R3HCC1L: variants seen among roughly 807,000 people sequenced by gnomAD.
The protein encoded by R3HCC1L is coiled-coil domain-containing protein R3HCC1L.
R3HCC1L carries 51 observed loss-of-function variants against 59.9 expected under a neutral mutation model. That is an observed-to-expected ratio of 0.85 (90% CI 0.68 to 1.07). R3HCC1L has a LOEUF of 1.07. Ranked by LOEUF, R3HCC1L falls within the 50% of genes least tolerant of loss-of-function variation. The pLI, the probability that R3HCC1L is intolerant of heterozygous loss-of-function variation, is 0.00. For synonymous variants in R3HCC1L, 322 were observed against 315.2 expected, an observed-to-expected ratio of 1.02 and a Z score of -0.23; for missense variants, 965 against 933.0, an observed-to-expected ratio of 1.03 and a Z score of -0.45.
chr10:98,178,834 G>A (rs1849322096), intron 4 of R3HCC1L, among the ~76,000 whole-genome samples: 1 of 152,176 alleles, frequency 6.6e-6, no homozygotes, highest in African/African-American at 2.4e-5. Context: ...AATTGTGAAT[G>A]GGAGTTCACT....
At chr10:98,243,979 AC>A in intron 9 of R3HCC1L, 111 bp from the exon 10 acceptor site, 1 of 839,742 alleles carries the variant, frequency 1.2e-6, no homozygotes, top group Non-Finnish European at 2.0e-6. Flanking sequence ...GGTAAGAGAG[AC>A]CAGGATATCC....
intron 5 of R3HCC1L, among the ~76,000 whole-genome samples, chr10:98,219,852 C>G (rs553727879): frequency 6.6e-6 from 1 of 152,196 alleles, no homozygotes; most frequent in East Asian, 1.9e-4. Context: ...ACTAGTGTGC[C>G]TTGGAGAAGA....
chr10:98,159,161 T>G (rs1275448771), intron 2 of R3HCC1L, among the ~76,000 whole-genome samples: 2 of 152,174 alleles, frequency 1.3e-5, no homozygotes, highest in Non-Finnish European at 2.9e-5. Flanking sequence ...ACATGTGCAG[T>G]TTGGGTTCAT....
At position 98,226,738 on chromosome 10, in the gene R3HCC1L, C is replaced by G. The variant is rs377379236; in HGVS notation, c.1786-4774C>G. Among the ~76,000 whole-genome samples the G allele has an allele frequency of 3.9e-4, 59 of 152,352 alleles. 1 individual carries two copies. The East Asian group carries it at 4.4e-3, about 11-fold the overall frequency. ...TTGACTTGCAAGTTATTGCAGACTC[C>G]TTTTGTCCCTGGCCTCTGAGTTATT... On this transcript the variant is annotated intron_variant, in intron 5 of 9. Transcript: ENST00000298999.
intron 4 of R3HCC1L, among the ~76,000 whole-genome samples, chr10:98,189,262 A>G (rs1850573562): frequency 6.6e-6 from 1 of 152,164 alleles, no homozygotes; most frequent in Non-Finnish European, 1.5e-5. Flanking sequence ...AAAAATAGTG[A>G]TCTGGAGGTT....
At chr10:98,153,609 T>TA (rs1160637755) in intron 1 of R3HCC1L, among the ~76,000 whole-genome samples, 1,417 of 80,972 alleles carry the variant, frequency 0.017, 25 homozygotes, top group African/African-American at 0.046. Context: ...AATGATCAAT[T>TA]AAAAAAAAAA....
At chr10:98,160,963 A>T (rs2134171537) in intron 2 of R3HCC1L, among the ~76,000 whole-genome samples, 1 of 152,326 alleles carries the variant, frequency 6.6e-6, no homozygotes, top group East Asian at 1.9e-4. Flanking sequence ...TGTTTCTAAT[A>T]TTTTGAATTT....
chr10:98,210,358 T>G (rs897126974), intron 5 of R3HCC1L, among the ~76,000 whole-genome samples: 1 of 152,166 alleles, frequency 6.6e-6, no homozygotes, highest in African/African-American at 2.4e-5. Context: ...AGTATCATTG[T>G]TTTTTAAGGA....
At chr10:98,175,236 AG>A (rs1848893078) in intron 4 of R3HCC1L, among the ~76,000 whole-genome samples, 1 of 152,200 alleles carries the variant, frequency 6.6e-6, no homozygotes, top group Non-Finnish European at 1.5e-5. Flanking sequence ...CATATTTTAA[AG>A]CCAAGAATCA....
chr10:98,202,120 A>G (rs1852117798), intron 4 of R3HCC1L, among the ~76,000 whole-genome samples: 1 of 152,162 alleles, frequency 6.6e-6, no homozygotes, highest in African/African-American at 2.4e-5. Flanking sequence ...GCTAAGATAA[A>G]TGATTTACTT....
At chr10:98,214,659 A>C (rs1026974738) in intron 5 of R3HCC1L, among the ~76,000 whole-genome samples, 2 of 152,252 alleles carry the variant, frequency 1.3e-5, no homozygotes, top group African/African-American at 4.8e-5. Context: ...GTGGTTTGTT[A>C]TGTTTAATTG....
chr10:98,230,318 A>G (rs1856220433), intron 5 of R3HCC1L, among the ~76,000 whole-genome samples: 2 of 152,122 alleles, frequency 1.3e-5, no homozygotes, highest in African/African-American at 2.4e-5. Flanking sequence ...GGGAGAGTGT[A>G]TGTGTCGAGG....
chr10:98,204,088 C>T (rs539491472), intron 4 of R3HCC1L, among the ~76,000 whole-genome samples: 3 of 152,030 alleles, frequency 2.0e-5, no homozygotes, highest in East Asian at 1.9e-4. Flanking sequence ...TAGAACATTG[C>T]GAAAAAGTTA....
At chr10:98,150,236 T>A (rs1438819160) in intron 1 of R3HCC1L, among the ~76,000 whole-genome samples, 6 of 152,248 alleles carry the variant, frequency 3.9e-5, no homozygotes, top group Admixed American at 3.9e-4. Context: ...TCACTTAAAA[T>A]GGCTATTTTT....
intron 4 of R3HCC1L, among the ~76,000 whole-genome samples, chr10:98,178,010 G>C (rs1177622329): frequency 1.3e-5 from 2 of 152,134 alleles, no homozygotes; most frequent in Admixed American, 6.5e-5. Context: ...TAGGTTGCCT[G>C]TTCACTCTGA....
intron 4 of R3HCC1L, chr10:98,174,452 TAAAAGCAGCATATGAAAG>T (rs1174836342): frequency 1.6e-6 from 1 of 631,366 alleles, no homozygotes; most frequent in African/African-American, 2.0e-5. Context: ...TTCCCAGGGA[TAAAAGCAGCATATGAAAG>T]ATACTATCTG....
rs117436071 is a variant in R3HCC1L, at chr10:98,167,702, A to G, written c.-15+4305A>G. On this transcript the variant is annotated intron_variant, in intron 4 of 9. Coordinates refer to ENST00000298999, the MANE Select transcript of R3HCC1L (RefSeq NM_001351015.2). The stretch of plus-strand genomic sequence containing the variant: ...TTAGATGCAGGGACTTTGAAATCCA[A>G]TCCACGGACTTTGAAATCCTATCCA... Among the ~76,000 whole-genome samples, 1,133 of 152,320 alleles carry G rather than the reference A, an allele frequency of 7.4e-3. 10 individuals carry two copies. The highest frequency in any genetic ancestry group is 0.012 in the Non-Finnish European group (850 of 68,036).
Position 98,236,034 on chromosome 10 carries a change from G to T in R3HCC1L, c.2139G>T (p.Gln713His). 6.2e-7 allele frequency: 1 copy of T among 1,613,472 alleles called. No individual in the cohort carries two copies. The highest frequency in any genetic ancestry group is 8.5e-7 in the Non-Finnish European group (1 of 1,179,616). The stretch of plus-strand genomic sequence containing the variant: ...CTTTCTTCGATTCAGAGTTCCTCCA[G>T]CCAGCAAAGGAGCGTCCTGAGACTT... ...AKARAYAEFL[Q>H]PAKERPETSA... Residue 713 changes from glutamine (Q) to histidine (H), a missense_variant, in exon 9 of 10, where the codon CAG becomes CAT. By Grantham distance (24) the Gln-to-His change is conservative. Coordinates refer to ENST00000298999, the MANE Select transcript of R3HCC1L (RefSeq NM_001351015.2).
intron 5 of R3HCC1L, among the ~76,000 whole-genome samples, chr10:98,229,566 C>T (rs1449395149): frequency 6.6e-6 from 1 of 152,128 alleles, no homozygotes; most frequent in African/African-American, 2.4e-5. Context: ...ATTGATTACC[C>T]TTTATTTCTT....
Sources: allele counts gnomAD v4.1 joint callset (sites outside exome capture counted in the v4.1 genomes callset), GRCh38; gene constraint gnomAD v4.1.1; transcripts MANE v1.5; gene names NCBI Gene and HGNC (gene_info 2026-07-23, HGNC 2026-07-21).